SCTR: variants seen among roughly 807,000 people sequenced by gnomAD.
SCTR encodes pancreatic secretin receptor.
SCTR carries 56 observed loss-of-function variants against 60.8 expected under a neutral mutation model. The observed-to-expected ratio is 0.92, with a 90% CI of 0.74 to 1.15. The LOEUF (loss-of-function observed/expected upper bound fraction) is 1.15, where lower values mean the gene tolerates loss of function less well. SCTR is among the 50% of genes most tolerant of loss of function. The pLI, the probability that SCTR is intolerant of heterozygous loss-of-function variation, is 0.00. For synonymous variants in SCTR, 202 were observed against 217.0 expected (o/e 0.93, Z 0.61); for missense variants, 562 against 550.4 (o/e 1.02, Z -0.21).
chr2:119,507,110 A>T (rs1678764716), intron 1 of SCTR, among the ~76,000 whole-genome samples: 1 of 152,228 alleles, frequency 6.6e-6, no homozygotes, highest in East Asian at 1.9e-4. Flanking sequence ...AAAAAAAGAC[A>T]ACTTAATTAT....
At chr2:119,519,146 TAA>T (rs767420361) in intron 1 of SCTR, among the ~76,000 whole-genome samples, 52 of 152,242 alleles carry the variant, frequency 3.4e-4, no homozygotes, top group Middle Eastern at 3.4e-3. Flanking sequence ...GTACTTTTAG[TAA>T]AGACAGGGTT....
At chr2:119,459,885 G>A (rs537613063) in intron 7 of SCTR, among the ~76,000 whole-genome samples, 16 of 152,242 alleles carry the variant, frequency 1.1e-4, no homozygotes, top group South Asian at 1.0e-3. Flanking sequence ...GAATCTTGGC[G>A]TATCTGGGAT....
At chr2:119,480,033 G>C (rs1014292717) in intron 2 of SCTR, 1 of 152,160 alleles carries the variant, frequency 6.6e-6, no homozygotes, top group Non-Finnish European at 1.5e-5. Flanking sequence ...CTAGATGATT[G>C]GTAGCAATGC....
rs146222630 is a variant in SCTR, at chr2:119,466,061, C to T, written c.406-175G>A. ...CGTAACATCCTGGCATTGGAAAAGC[C>T]CTTAGGGATCATCTGATGATCCCTA... is the stretch of plus-strand genomic sequence containing the variant. On this transcript the variant is annotated intron_variant, in intron 4 of 12. Coordinates refer to ENST00000019103, the MANE Select transcript of SCTR (RefSeq NM_002980.3). Among the ~76,000 whole-genome samples, 310 of 152,018 alleles carry T rather than the reference C, an allele frequency of 2.0e-3. 1 individual carries two copies. The highest frequency in any genetic ancestry group is 3.5e-3 in the Non-Finnish European group (238 of 67,952).
chr2:119,521,893 A>G (rs1679297152), intron 1 of SCTR, among the ~76,000 whole-genome samples: 1 of 152,356 alleles, frequency 6.6e-6, no homozygotes, highest in Middle Eastern at 3.4e-3. Context: ...TTCTCAGCCA[A>G]GAAGTGTGAG....
chr2:119,448,480 G>C (rs1473012108), intron 10 of SCTR, among the ~76,000 whole-genome samples: 1 of 152,202 alleles, frequency 6.6e-6, no homozygotes. Context: ...TCCTGCCTGA[G>C]ATTTCTTAGT....
intron 11 of SCTR, among the ~76,000 whole-genome samples, chr2:119,444,454 T>C (rs906198183): frequency 1.1e-5 from 1 of 87,858 alleles, no homozygotes; most frequent in African/African-American, 5.2e-5. Context: ...TATACGTACG[T>C]ATATATATAC....
intron 1 of SCTR, chr2:119,495,412 T>G (rs1377995815): frequency 6.6e-6 from 1 of 152,378 alleles, no homozygotes; most frequent in African/African-American, 2.4e-5. Context: ...ACTTCCTCAC[T>G]CTTTCCAGTG....
rs370009427 is a variant in SCTR at position 119,494,567 on chromosome 2, G to T, written c.73-19C>A. 8.1e-6 allele frequency: 13 copies of T among 1,612,928 alleles called. No individual in the cohort carries two copies. The African/African-American group carries it at 1.2e-4, about 15-fold the overall frequency. On this transcript the variant is annotated intron_variant, in intron 1 of 12. Transcript: ENST00000019103. ...CTCCAGTCTGCAAGTCCAAAACCAG[G>T]GATGCTCATCATTGCCACTAACTCA... is the stretch of plus-strand genomic sequence containing the variant.
intron 2 of SCTR, among the ~76,000 whole-genome samples, chr2:119,490,568 G>C (rs541294754): frequency 6.6e-6 from 1 of 152,288 alleles, no homozygotes; most frequent in South Asian, 2.1e-4. Context: ...CCAAAATGCT[G>C]ATCTTCCTTT....
At chr2:119,512,377 CCTTCTCCTTCTCCTTCTCCTTCTT>C (rs1678983769) in intron 1 of SCTR, among the ~76,000 whole-genome samples, 2 of 133,634 alleles carry the variant, frequency 1.5e-5, no homozygotes, top group African/African-American at 6.4e-5. Context: ...TTCTCCTTCT[CCTTCTCCTTCTCCTTCTCCTTCTT>C]CTTCTTTCTT....
intron 1 of SCTR, among the ~76,000 whole-genome samples, chr2:119,514,056 C>T (rs1293103775): frequency 1.3e-5 from 2 of 152,214 alleles, no homozygotes; most frequent in Non-Finnish European, 2.9e-5. Context: ...TCACTCAACA[C>T]ATAGTCGTGG....
Position 119,441,586 on chromosome 2 carries a change from G to T in SCTR, c.1154C>A (p.Ala385Asp). The T allele has an allele frequency of 6.2e-7, 1 of 1,613,050 alleles. No homozygotes were observed. Among genetic ancestry groups the T allele is most frequent in the Non-Finnish European group, 8.5e-7 (1 of 1,179,430 alleles). ...ALGSFQGLVV[A>D]VLYCFLNGEV... ...CCCATTGAGGAAGCAGTAGAGGACG[G>T]CCACCACCAGTCCCTGCCAGAAGAA... The change falls in exon 12 of 13, where the codon GCC becomes GAC. Residue 385 changes from alanine to aspartate, a missense_variant. Physicochemically the swap from Ala to Asp is moderately radical, Grantham distance 126 (BLOSUM62 -2). Coordinates refer to ENST00000019103, the MANE Select transcript of SCTR (RefSeq NM_002980.3).
chr2:119,455,755 G>T (rs1248080009), intron 7 of SCTR, among the ~76,000 whole-genome samples: 5 of 152,148 alleles, frequency 3.3e-5, no homozygotes, highest in Non-Finnish European at 7.3e-5. Context: ...TTAGACTAAA[G>T]GGAGTTTCAG....
chr2:119,520,739 C>T (rs542118019), intron 1 of SCTR, among the ~76,000 whole-genome samples: 4 of 152,322 alleles, frequency 2.6e-5, no homozygotes, highest in African/African-American at 9.6e-5. Context: ...ACATTCTCCA[C>T]AGAAGTCCTT....
chr2:119,472,219 A>T (rs1007726161), intron 4 of SCTR, among the ~76,000 whole-genome samples: 2 of 152,184 alleles, frequency 1.3e-5, no homozygotes, highest in African/African-American at 2.4e-5. Flanking sequence ...CATGGTAGGT[A>T]ATAGTTGGAG....
intron 1 of SCTR, among the ~76,000 whole-genome samples, chr2:119,509,306 T>G (rs1266927679): frequency 1.3e-5 from 2 of 152,194 alleles, no homozygotes; most frequent in Admixed American, 1.3e-4. Context: ...AAATAAACAC[T>G]TATTGCTGCA....
intron 1 of SCTR, among the ~76,000 whole-genome samples, chr2:119,512,200 G>T (rs1288637070): frequency 6.6e-6 from 1 of 151,894 alleles, no homozygotes; most frequent in Non-Finnish European, 1.5e-5. Flanking sequence ...CTGTCTCTCT[G>T]GAATTCCCAC....
chr2:119,447,827 C>T (rs1432912243), intron 10 of SCTR, among the ~76,000 whole-genome samples: 1 of 152,210 alleles, frequency 6.6e-6, no homozygotes. Context: ...CCACCTTGGC[C>T]TCCCAAAGTG....
Sources: allele counts gnomAD v4.1 joint callset (sites outside exome capture counted in the v4.1 genomes callset), GRCh38; gene constraint gnomAD v4.1.1; transcripts MANE v1.5; gene names NCBI Gene and HGNC (gene_info 2026-07-23, HGNC 2026-07-21).